The following SLC36A4 variants were observed in gnomAD, a reference collection of about 807,000 sequenced individuals.
SLC36A4 encodes the protein neutral amino acid uniporter 4.
A neutral mutation model predicts 50.5 loss-of-function variants in SLC36A4; 49 were observed. That is an observed-to-expected ratio of 0.97 (90% confidence interval 0.77 to 1.23). The LOEUF is 1.23. Among genes scored for constraint, SLC36A4 ranks in the 50% most tolerant of loss-of-function variants. The pLI is 0.00. For missense variants in SLC36A4, 611 were observed against 608.4 expected (o/e 1.00, Z -0.05); for synonymous variants, 207 against 206.5 (o/e 1.00, Z -0.02).
intron 7 of SLC36A4, 134 bp downstream of exon 7, chr11:93,167,810 C>G (rs538332481): frequency 1.6e-6 from 1 of 609,232 alleles, no homozygotes; most frequent in Admixed American, 3.3e-5. Flanking sequence ...AAGAAACCAA[C>G]ATTTACTGAT....
chr11:93,184,290 C>A, intron 3 of SLC36A4, 140 bp downstream of exon 3: 3 of 667,604 alleles, frequency 4.5e-6, no homozygotes, highest in African/African-American at 1.9e-5. Flanking sequence ...TCACAGTTGA[C>A]ACAATTTTAT....
intron 1 of SLC36A4, among the ~76,000 whole-genome samples, chr11:93,191,627 C>T (rs1263246707): frequency 6.6e-6 from 1 of 152,140 alleles, no homozygotes. Flanking sequence ...TGGGAACTGC[C>T]TGTGGAATTC....
chr11:93,172,553 G>A (rs987690767), intron 6 of SLC36A4, among the ~76,000 whole-genome samples: 3 of 150,096 alleles, frequency 2.0e-5, no homozygotes, highest in Non-Finnish European at 3.0e-5. Context: ...CCACTAACTC[G>A]TCATCTAGCA....
rs1169628848 is a variant in SLC36A4 at position 93,146,619 on chromosome 11, A to G, written c.*1918T>C. On this transcript the variant is annotated 3_prime_UTR_variant, in exon 11 of 11. Coordinates refer to ENST00000326402, the MANE Select transcript of SLC36A4 (RefSeq NM_152313.4). ...GATCAGTTAACGATACAAGCAAAAA[A>G]TACTTGAACTAAGTTAACATTTACA... 1.3e-5 allele frequency: 2 copies of G among 152,100 alleles called. No individual in the cohort carries two copies. The highest frequency in any genetic ancestry group is 4.8e-5 in the African/African-American group (2 of 41,458). The allele number at this position is 152,100 out of a possible 1,614,324, so 9.4% of individuals were successfully genotyped here. A position where few individuals can be genotyped will look rare whatever the true frequency, so the allele number is the denominator to read the frequency against.
Position 93,148,746 on chromosome 11 carries a change from C to G in SLC36A4, c.1306G>C (p.Glu436Gln). ...TGTTCCTTCGAAAATGTAAGAATTTCAACCAAAGGTGGCAGGATTAGGGCC... is the reference window on the plus strand; with the variant it reads ...TGTTCCTTCGAAAATGTAAGAATTTGAACCAAAGGTGGCAGGATTAGGGCC... ...TLALILPPLVEILTFSKEHYN... is the reference protein window; with the variant it reads ...TLALILPPLVQILTFSKEHYN... The change falls in exon 11 of 11, where the codon GAA becomes CAA. Residue 436 changes from glutamate to glutamine, a missense_variant. Glu to Gln is a conservative substitution (Grantham distance 29). Transcript: ENST00000326402. 1 of 1,612,944 alleles carries G rather than the reference C, an allele frequency of 6.2e-7. No homozygotes were observed. The highest frequency in any genetic ancestry group is 1.1e-5 in the South Asian group (1 of 91,058).
intron 6 of SLC36A4, among the ~76,000 whole-genome samples, chr11:93,169,656 A>G (rs1278085724): frequency 6.6e-6 from 1 of 152,242 alleles, no homozygotes; most frequent in Admixed American, 6.6e-5. Context: ...TATAACTCAT[A>G]CTGGACTAAC....
Position 93,145,818 on chromosome 11 carries a change from T to A in SLC36A4, c.*2719A>T, listed in dbSNP as rs1202489980. On this transcript the variant is annotated 3_prime_UTR_variant, in exon 11 of 11. Transcript: ENST00000326402. ...CCCAAAATAAAAGCAAGAGCTGGTA[T>A]AATCGAAATATCGTCTCCAAAATCT... 3 of 152,120 alleles carry A rather than the reference T, an allele frequency of 2.0e-5. No homozygotes were observed. The highest frequency in any genetic ancestry group is 7.2e-5 in the African/African-American group (3 of 41,444). The allele number at this position is 152,120 out of a possible 1,614,324, so 9.4% of individuals were successfully genotyped here. A position where few individuals can be genotyped will look rare whatever the true frequency, so the allele number is the denominator to read the frequency against.
chr11:93,193,463 A>G (rs1862297513), intron 1 of SLC36A4, among the ~76,000 whole-genome samples: 2 of 152,202 alleles, frequency 1.3e-5, no homozygotes, highest in Non-Finnish European at 2.9e-5. Context: ...GTAAAAATTA[A>G]TGATGCCTTA....
rs377056465 is a variant in SLC36A4 at position 93,154,167 on chromosome 11, T to C, written c.1148A>G (p.His383Arg). 7.5e-5 allele frequency: 118 copies of C among 1,567,722 alleles called. No individual in the cohort carries two copies. Among genetic ancestry groups the C allele is most frequent in the Non-Finnish European group, 9.2e-5 (107 of 1,160,406 alleles). The change falls in exon 10 of 11, where the codon CAT (histidine) becomes CGT (arginine). Residue 383 changes from histidine (H) to arginine (R), a missense_variant. Physicochemically the swap from His to Arg is conservative, Grantham distance 29 (BLOSUM62 0). Transcript: ENST00000326402. ...IIIPGITSKF[H>R]TKWKQICEFG... ...TTCACAGATTTGCTTCCATTTAGTA[T>C]GAAATTTGGATGTGATCCCAGGGAT... is the stretch of plus-strand genomic sequence containing the variant.
At position 93,197,703 on chromosome 11, in the gene SLC36A4, G is replaced by C. The variant is rs548958815; in HGVS notation, c.55+75C>G. On this transcript the variant is annotated intron_variant, in intron 1 of 10. Transcript: ENST00000326402. ...CAGGCCAAGCGCGGGGCCCCTGGAG[G>C]TGTGGGCGCACCCGACTCCCGCACA... 21 of 1,481,394 alleles carry C rather than the reference G, an allele frequency of 1.4e-5. No individual in the cohort carries two copies. In the African/African-American group the frequency reaches 2.4e-4, roughly 17 times the overall value. The allele number at this position is 1,481,394 out of a possible 1,614,324, so 91.8% of individuals were successfully genotyped here.
intron 1 of SLC36A4, among the ~76,000 whole-genome samples, chr11:93,190,650 C>T (rs1197100439): frequency 1.3e-5 from 2 of 152,120 alleles, no homozygotes; most frequent in Non-Finnish European, 1.5e-5. Flanking sequence ...TTAAGAAGTA[C>T]ATATTTATTT....
rs1862118104 is a variant in SLC36A4 at position 93,189,330 on chromosome 11, C to T, written c.56-3516G>A. Among the ~76,000 whole-genome samples the T allele has an allele frequency of 1.3e-5, 2 of 152,084 alleles. 1 individual carries two copies. The highest frequency in any genetic ancestry group is 4.1e-4 in the South Asian group (2 of 4,826). Reference sequence around the variant, plus strand: ...TCAGCCTCCCAAAGTGCTGGGATTACAGGCATCAGCCACTGCTCCTGGCCA... The same window carrying T: ...TCAGCCTCCCAAAGTGCTGGGATTATAGGCATCAGCCACTGCTCCTGGCCA... On this transcript the variant is annotated intron_variant, in intron 1 of 10. Transcript: ENST00000326402.
chr11:93,195,719 C>A (rs754008465), intron 1 of SLC36A4, among the ~76,000 whole-genome samples: 1 of 152,194 alleles, frequency 6.6e-6, no homozygotes, highest in Non-Finnish European at 1.5e-5. Context: ...TCTGCTTCAG[C>A]CACTTTGTCC....
intron 1 of SLC36A4, among the ~76,000 whole-genome samples, chr11:93,187,890 C>T (rs80228558): frequency 0.015 from 2,266 of 152,306 alleles, 33 homozygotes; most frequent in South Asian, 0.088. Context: ...TTTGTCAAGG[C>T]TTCCCCCTTC....
At chr11:93,172,230 A>C (rs1320009902) in intron 6 of SLC36A4, among the ~76,000 whole-genome samples, 3 of 152,176 alleles carry the variant, frequency 2.0e-5, no homozygotes. Context: ...TCTTGACACC[A>C]TTCCCTTTTT....
chr11:93,190,737 T>C (rs751777074), intron 1 of SLC36A4, among the ~76,000 whole-genome samples: 7 of 152,206 alleles, frequency 4.6e-5, no homozygotes, highest in Non-Finnish European at 7.3e-5. Flanking sequence ...CTTAAATACA[T>C]TTTTCTTTTT....
At chr11:93,152,659 C>A (rs1860151147) in intron 10 of SLC36A4, 1 of 152,086 alleles carries the variant, frequency 6.6e-6, no homozygotes, top group Admixed American at 6.6e-5. Context: ...TGATTCATAA[C>A]TTCAATACAA....
intron 10 of SLC36A4, among the ~76,000 whole-genome samples, chr11:93,150,702 A>G (rs1340371453): frequency 6.6e-6 from 1 of 152,092 alleles, no homozygotes. Context: ...TTACATATAT[A>G]GCCTTTTAAC....
chr11:93,162,787 A>T lies in SLC36A4; in HGVS notation c.956T>A (p.Val319Glu), dbSNP rs773175556. The T allele has an allele frequency of 4.3e-6, 7 of 1,613,640 alleles. No individual in the cohort carries two copies. Among genetic ancestry groups the T allele is most frequent in the Middle Eastern group, 1.7e-4 (1 of 6,042 alleles). Reference sequence around the variant, plus strand: ...CATATATCCTAAAGTAGCTAATGTTACATACAAAGTTGTAACAATCCCCAT... The same window carrying T: ...CATATATCCTAAAGTAGCTAATGTTTCATACAAAGTTGTAACAATCCCCAT... Reference protein sequence around the residue: ...IGMGIVTTLYVTLATLGYMCF... With the variant: ...IGMGIVTTLYETLATLGYMCF... The change falls in exon 9 of 11, where the codon GTA (valine) becomes GAA (glutamate). Residue 319 changes from valine to glutamate, a missense_variant. By Grantham distance (121) the Val-to-Glu change is moderately radical. Coordinates refer to ENST00000326402, the MANE Select transcript of SLC36A4 (RefSeq NM_152313.4).
Sources: allele counts gnomAD v4.1 joint callset (sites outside exome capture counted in the v4.1 genomes callset), GRCh38; gene constraint gnomAD v4.1.1; transcripts MANE v1.5; gene names NCBI Gene and HGNC (gene_info 2026-07-23, HGNC 2026-07-21).